The following CDH10 variants were observed in gnomAD, a reference collection of about 807,000 sequenced individuals.
CDH10 encodes cadherin 10.
A neutral mutation model predicts 73.1 loss-of-function variants in CDH10; 30 were observed. The ratio of observed to expected loss-of-function variants is 0.41; its 90% confidence interval spans 0.31 to 0.56. The LOEUF is 0.56. CDH10 is among the 20% of genes least tolerant of loss of function. CDH10 has a pLI of 0.27. For missense variants in CDH10, 815 were observed against 973.7 expected (o/e 0.84, Z 2.17); for synonymous variants, 345 against 348.2 (o/e 0.99, Z 0.10).
chr5:24,498,036 G>A lies in CDH10; in HGVS notation c.1515+362C>T, dbSNP rs61390659. Among the ~76,000 whole-genome samples the A allele has an allele frequency of 4.0e-3, 616 of 152,172 alleles. 9 individuals are homozygous for A. The highest frequency in any genetic ancestry group is 0.014 in the African/African-American group (577 of 41,518). On this transcript the variant is annotated intron_variant, in intron 9 of 11. Coordinates refer to ENST00000264463, the MANE Select transcript of CDH10 (RefSeq NM_006727.5). Reference sequence around the variant, plus strand: ...TTGTCTCTTGTTTTCCACAGCATTCGTCTCTCATCTCTCTAGCAGGTACCA... The same window carrying A: ...TTGTCTCTTGTTTTCCACAGCATTCATCTCTCATCTCTCTAGCAGGTACCA...
Position 24,509,834 on chromosome 5 carries a change from A to T in CDH10, c.1003-15T>A. 2 of 1,589,160 alleles carry T rather than the reference A, an allele frequency of 1.3e-6. No homozygotes were observed. Among genetic ancestry groups the T allele is most frequent in the Non-Finnish European group, 1.7e-6 (2 of 1,167,752 alleles). On this transcript the variant is annotated splice_polypyrimidine_tract_variant and intron_variant, in intron 6 of 11. Transcript: ENST00000264463. ...TAGTCGAGTGGCTGTATAAAAAAAT[A>T]AATCATCAAATTAGAGTGAGGGAAA...
At chr5:24,506,145 A>C (rs1361817240) in intron 7 of CDH10, among the ~76,000 whole-genome samples, 1 of 152,026 alleles carries the variant, frequency 6.6e-6, no homozygotes, top group Non-Finnish European at 1.5e-5. Flanking sequence ...AGAAAAGAAA[A>C]GTAGTTTGGG....
intron 5 of CDH10, among the ~76,000 whole-genome samples, chr5:24,515,226 T>A (rs1743063893): frequency 6.6e-6 from 1 of 152,168 alleles, no homozygotes; most frequent in Admixed American, 6.6e-5. Context: ...ATTAAAAATA[T>A]ACCAAAATCT....
intron 2 of CDH10, among the ~76,000 whole-genome samples, chr5:24,584,445 C>CTT (rs34192671): frequency 0.011 from 315 of 28,054 alleles, 6 homozygotes; most frequent in African/African-American, 0.018. Context: ...CTTTCTTTTC[C>CTT]TTTTTTTTTT....
chr5:24,496,344 G>T (rs1742287139), intron 9 of CDH10, among the ~76,000 whole-genome samples: 1 of 152,044 alleles, frequency 6.6e-6, no homozygotes, highest in Non-Finnish European at 1.5e-5. Context: ...AATGAGACAA[G>T]ATAGAATGAA....
At chr5:24,559,596 A>C (rs1744884150) in intron 2 of CDH10, among the ~76,000 whole-genome samples, 1 of 152,044 alleles carries the variant, frequency 6.6e-6, no homozygotes, top group South Asian at 2.1e-4. Context: ...AAAAAAGAGA[A>C]AAATAGGTTT....
chr5:24,566,760 A>G (rs970265200), intron 2 of CDH10, among the ~76,000 whole-genome samples: 2 of 152,126 alleles, frequency 1.3e-5, no homozygotes, highest in African/African-American at 4.8e-5. Context: ...AGAAGCCAAT[A>G]CAGAAGAATA....
chr5:24,625,769 T>C (rs1018725367), intron 1 of CDH10, among the ~76,000 whole-genome samples: 19 of 151,792 alleles, frequency 1.3e-4, no homozygotes, highest in Admixed American at 2.6e-4. Context: ...TCTTAGGCTC[T>C]TGGTATCAGG....
At chr5:24,519,745 A>G (rs1266395550) in intron 5 of CDH10, among the ~76,000 whole-genome samples, 1 of 152,220 alleles carries the variant, frequency 6.6e-6, no homozygotes, top group Non-Finnish European at 1.5e-5. Context: ...TGTAGAATTG[A>G]TGGATGTTAT....
rs11380416 is a variant in CDH10 at position 24,644,834 on chromosome 5, G to GAA, written c.-366_-365dup. The GAA allele has an allele frequency of 0.037, 5,150 of 139,092 alleles. 188 individuals are homozygous for GAA. The highest frequency in any genetic ancestry group is 0.19 in the South Asian group (818 of 4,346). 8.6% of individuals were successfully genotyped at this position (139,092 alleles called of 1,614,324 possible). On this transcript the variant is annotated 5_prime_UTR_variant, in exon 1 of 12. The change abolishes the stop of an existing upstream ORF in the 5' untranslated region. Transcript: ENST00000264463. ...TCAGTGCTTCTGATTAAGGGGAAAG[G>GAA]AAAAAAAAAAAAAAGGAAAGGGGGG...
intron 1 of CDH10, among the ~76,000 whole-genome samples, chr5:24,627,666 G>T (rs7732042): frequency 0.17 from 26,521 of 151,970 alleles, 2,785 homozygotes; most frequent in African/African-American, 0.29. Flanking sequence ...TTTAACATGA[G>T]GATGAAAGGG....
At chr5:24,631,330 A>G (rs1157986337) in intron 1 of CDH10, among the ~76,000 whole-genome samples, 1 of 152,108 alleles carries the variant, frequency 6.6e-6, no homozygotes, top group Non-Finnish European at 1.5e-5. Flanking sequence ...AGGAGGTCTG[A>G]ATATGGCTTA....
At chr5:24,570,333 C>A (rs1745330999) in intron 2 of CDH10, among the ~76,000 whole-genome samples, 1 of 151,968 alleles carries the variant, frequency 6.6e-6, no homozygotes, top group Non-Finnish European at 1.5e-5. Context: ...AAGGATAGAG[C>A]GTTACTACAG....
At chr5:24,502,984 C>A (rs1334184671) in intron 8 of CDH10, among the ~76,000 whole-genome samples, 1 of 152,044 alleles carries the variant, frequency 6.6e-6, no homozygotes, top group Non-Finnish European at 1.5e-5. Flanking sequence ...GAACAAGGGG[C>A]TATAAATAGA....
intron 5 of CDH10, among the ~76,000 whole-genome samples, chr5:24,514,532 G>C (rs1414069449): frequency 6.6e-6 from 1 of 152,046 alleles, no homozygotes; most frequent in Non-Finnish European, 1.5e-5. Flanking sequence ...CCTGTTGATT[G>C]CAAGAACTCT....
At chr5:24,590,100 T>A (rs919706174) in intron 2 of CDH10, among the ~76,000 whole-genome samples, 1 of 152,026 alleles carries the variant, frequency 6.6e-6, no homozygotes, top group Non-Finnish European at 1.5e-5. Flanking sequence ...AATATATTTT[T>A]GTTTAGAATG....
chr5:24,623,443 T>C (rs1747385340), intron 1 of CDH10, among the ~76,000 whole-genome samples: 1 of 152,160 alleles, frequency 6.6e-6, no homozygotes, highest in African/African-American at 2.4e-5. Flanking sequence ...GAACTGTCAT[T>C]GTAATGTGCA....
chr5:24,563,110 C>A (rs1745020376), intron 2 of CDH10, among the ~76,000 whole-genome samples: 1 of 152,296 alleles, frequency 6.6e-6, no homozygotes, highest in East Asian at 1.9e-4. Flanking sequence ...CACCTCAAAT[C>A]ATGTGCTACA....
At chr5:24,555,479 C>G (rs1037768370) in intron 2 of CDH10, among the ~76,000 whole-genome samples, 9 of 152,110 alleles carry the variant, frequency 5.9e-5, no homozygotes, top group Non-Finnish European at 1.3e-4. Flanking sequence ...ATTACTCTGT[C>G]GGCAGAGCAG....
Sources: allele counts gnomAD v4.1 joint callset (sites outside exome capture counted in the v4.1 genomes callset), GRCh38; gene constraint gnomAD v4.1.1; transcripts MANE v1.5; gene names NCBI Gene and HGNC (gene_info 2026-07-23, HGNC 2026-07-21).